Variants in TMEM132B observed in about 807,000 individuals in gnomAD.
The protein encoded by TMEM132B is transmembrane protein 132B.
A neutral mutation model predicts 90.8 loss-of-function variants in TMEM132B; 18 were observed. The observed-to-expected ratio is 0.20, with a 90% CI of 0.14 to 0.29. TMEM132B has a LOEUF of 0.29. Among genes scored for constraint, TMEM132B ranks in the 10% least tolerant of loss-of-function variants. The probability of loss-of-function intolerance (pLI) is 1.00; values close to 1 mark genes in which losing one functional copy is unlikely to be tolerated. For synonymous variants in TMEM132B, 504 were observed against 523.3 expected (o/e 0.96, Z 0.50); for missense variants, 1,096 against 1,326.8 (o/e 0.83, Z 2.70).
chr12:125,624,422 G>T (rs572820809), intron 5 of TMEM132B, among the ~76,000 whole-genome samples: 220 of 152,190 alleles, frequency 1.4e-3, no homozygotes, highest in Non-Finnish European at 2.8e-3. Flanking sequence ...ATCTTAGGGT[G>T]CAGAAAATGA....
intron 1 of TMEM132B, among the ~76,000 whole-genome samples, chr12:125,211,426 A>G (rs1277960432): frequency 6.6e-6 from 1 of 152,192 alleles, no homozygotes; most frequent in Non-Finnish European, 1.5e-5. Context: ...CCCCAAAGTC[A>G]GCCTCCAACC....
chr12:125,574,723 A>T (rs555680243), intron 4 of TMEM132B, among the ~76,000 whole-genome samples: 1 of 152,098 alleles, frequency 6.6e-6, no homozygotes, highest in African/African-American at 2.4e-5. Context: ...GGTGTTGAAG[A>T]TGCCCTGTAT....
chr12:125,250,565 C>T lies in TMEM132B; in HGVS notation c.67+63699C>T, dbSNP rs1351634918. 3.9e-5 allele frequency among the ~76,000 whole-genome samples: 6 copies of T among 152,336 alleles called. No homozygotes were observed. The East Asian group carries it at 1.2e-3, about 29-fold the overall frequency. On this transcript the variant is annotated intron_variant, in intron 1 of 8. Transcript: ENST00000682704. ...TGGAAACTTCGCTCAGGCTTATCAC[C>T]AATTCCATCCAATCTTTTGTCTAAG...
In TMEM132B at chr12:125,423,861, AATAAAT is replaced by A. The variant is rs1438924799; in HGVS notation, c.1106+8188_1106+8193del. Among the ~76,000 whole-genome samples the A allele has an allele frequency of 4.3e-4, 65 of 152,380 alleles. 1 individual carries two copies. Among genetic ancestry groups the A allele is most frequent in the African/African-American group, 1.6e-3 (65 of 41,602 alleles). ...AAACTTGTTTTCTGTACTAATAAAG[AATAAAT>A]ATATAGTAACATATTTTCATGTCAT... is the stretch of plus-strand genomic sequence containing the variant. On this transcript the variant is annotated intron_variant, in intron 3 of 8. Coordinates refer to ENST00000682704, the MANE Select transcript of TMEM132B (RefSeq NM_001366854.1).
intron 1 of TMEM132B, among the ~76,000 whole-genome samples, chr12:125,242,235 C>CAACCTCCTGGGCTCAAGA (rs1342051082): frequency 1.3e-5 from 2 of 152,302 alleles, no homozygotes; most frequent in East Asian, 3.9e-4. Context: ...ACTGTAGCCT[C>CAACCTCCTGGGCTCAAGA]AACCTCCTGG....
chr12:125,272,847 G>T (rs1874875988), intron 1 of TMEM132B, among the ~76,000 whole-genome samples: 1 of 152,342 alleles, frequency 6.6e-6, no homozygotes, highest in Non-Finnish European at 1.5e-5. Flanking sequence ...TCCACTTCCA[G>T]AGTGTTCTGC....
Position 125,349,665 on chromosome 12 carries a change from G to T in TMEM132B, c.281G>T (p.Gly94Val). Residue 94 changes from glycine to valine, a missense_variant, in exon 2 of 9, where the codon GGC (glycine) becomes GTC (valine). Transcript: ENST00000682704. This position sits in a 1 kb window ranked among gnomAD's most constrained non-coding sequence, Gnocchi z 4.1. ...RTPPIINASYGPFSVEKIIPQ... is the reference protein window; with the variant it reads ...RTPPIINASYVPFSVEKIIPQ... ...CCCCCTATTATCAATGCCAGCTATG[G>T]CCCATTTTCAGTGGAGAAGATAATC... is the stretch of plus-strand genomic sequence containing the variant. 1 of 1,614,092 alleles carries T rather than the reference G, an allele frequency of 6.2e-7. No individual in the cohort carries two copies. The highest frequency in any genetic ancestry group is 8.5e-7 in the Non-Finnish European group (1 of 1,180,012).
At chr12:125,288,971 G>A (rs188007595) in intron 1 of TMEM132B, among the ~76,000 whole-genome samples, 1 of 152,334 alleles carries the variant, frequency 6.6e-6, no homozygotes, top group East Asian at 1.9e-4. Flanking sequence ...TGCAGAGGCA[G>A]CAGGGGACTG....
At chr12:125,608,180 G>A (rs1885741504) in intron 5 of TMEM132B, among the ~76,000 whole-genome samples, 1 of 152,140 alleles carries the variant, frequency 6.6e-6, no homozygotes, top group East Asian at 1.9e-4. Flanking sequence ...CTTTTCCACA[G>A]TGGTTGCACC....
chr12:125,221,380 C>T (rs751875121), intron 1 of TMEM132B, among the ~76,000 whole-genome samples: 14 of 152,160 alleles, frequency 9.2e-5, no homozygotes, highest in Non-Finnish European at 1.0e-4. Flanking sequence ...AAAAGCTTCC[C>T]GTCTAGTCGG....
At chr12:125,243,709 C>G (rs576859889) in intron 1 of TMEM132B, among the ~76,000 whole-genome samples, 8 of 152,198 alleles carry the variant, frequency 5.3e-5, no homozygotes, top group Non-Finnish European at 1.2e-4. Context: ...CCTTTCCCCC[C>G]ATCCCTCTTC....
chr12:125,381,759 C>T (rs146614813), intron 2 of TMEM132B, among the ~76,000 whole-genome samples: 27 of 152,206 alleles, frequency 1.8e-4, no homozygotes, highest in Admixed American at 3.9e-4. Context: ...TGTGTGTTCA[C>T]GTAAATCAGG....
intron 1 of TMEM132B, among the ~76,000 whole-genome samples, chr12:125,200,636 C>T (rs542716706): frequency 1.3e-5 from 2 of 152,188 alleles, no homozygotes; most frequent in Non-Finnish European, 2.9e-5. Flanking sequence ...TCAGCACCCA[C>T]TGAAGATCTC....
chr12:125,389,897 G>T (rs140061224), intron 2 of TMEM132B, among the ~76,000 whole-genome samples: 1 of 152,156 alleles, frequency 6.6e-6, no homozygotes, highest in Non-Finnish European at 1.5e-5. Context: ...ACTTTATATA[G>T]ACATATACCC....
intron 5 of TMEM132B, among the ~76,000 whole-genome samples, chr12:125,614,300 G>A (rs754534537): frequency 6.6e-6 from 1 of 152,084 alleles, no homozygotes; most frequent in Admixed American, 6.6e-5. Context: ...CACAGTGTCT[G>A]TTCTCTTACT....
Position 125,310,296 on chromosome 12 carries a change from G to C in TMEM132B, c.68-39156G>C, listed in dbSNP as rs538536938. Reference sequence around the variant, plus strand: ...GCACACGTGTCCAGCCAGATCTCCTGGTGGGCAGTGGCATGGCTTGTGGGA... The same window carrying C: ...GCACACGTGTCCAGCCAGATCTCCTCGTGGGCAGTGGCATGGCTTGTGGGA... On this transcript the variant is annotated intron_variant, in intron 1 of 8. Transcript: ENST00000682704. Among the ~76,000 whole-genome samples, 16 of 152,324 alleles carry C rather than the reference G, an allele frequency of 1.1e-4. No homozygotes were observed. In the East Asian group the frequency reaches 3.1e-3, roughly 29 times the overall value.
chr12:125,317,207 T>C (rs1047951671), intron 1 of TMEM132B, among the ~76,000 whole-genome samples: 1 of 151,814 alleles, frequency 6.6e-6, no homozygotes, highest in African/African-American at 2.4e-5. Flanking sequence ...GAGCTGATTG[T>C]AGTACCTGGG....
intron 3 of TMEM132B, among the ~76,000 whole-genome samples, chr12:125,464,504 T>C (rs1881516104): frequency 6.6e-6 from 1 of 152,154 alleles, no homozygotes; most frequent in Non-Finnish European, 1.5e-5. Flanking sequence ...TCTTAGCAAA[T>C]GTCCTTGATG....
At chr12:125,516,449 T>A (rs1376648715) in intron 3 of TMEM132B, among the ~76,000 whole-genome samples, 1 of 152,178 alleles carries the variant, frequency 6.6e-6, no homozygotes, top group Non-Finnish European at 1.5e-5. Flanking sequence ...TCCTCTGGAT[T>A]GAGAGAAATG....
Sources: gnomAD v4.1 joint callset for allele counts (sites outside exome capture counted in the v4.1 genomes callset) on GRCh38, gnomAD v4.1.1 for gene constraint, Gnocchi (gnomAD v3.1) non-coding constraint, MANE v1.5 for transcripts, NCBI Gene and HGNC (gene_info 2026-07-23, HGNC 2026-07-21) for gene names.